RGS6: variants seen among roughly 807,000 people sequenced by gnomAD.
RGS6 encodes regulator of G protein signaling 6.
RGS6 carries 30 observed loss-of-function variants against 78.5 expected under a neutral mutation model. That is an observed-to-expected ratio of 0.38 (90% CI 0.29 to 0.52). The LOEUF is 0.52. Ranked by LOEUF, RGS6 falls within the 20% of genes least tolerant of loss-of-function variation. The probability of loss-of-function intolerance (pLI) is 0.85; values close to 1 mark genes in which losing one functional copy is unlikely to be tolerated. For synonymous variants in RGS6, 206 were observed against 206.0 expected (o/e 1.00, Z 0.00); for missense variants, 495 against 609.7 (o/e 0.81, Z 1.98).
At chr14:72,078,696 G>C (rs2094691519) in intron 2 of RGS6, among the ~76,000 whole-genome samples, 1 of 152,144 alleles carries the variant, frequency 6.6e-6, no homozygotes, top group South Asian at 2.1e-4. Context: ...GGGATTACAG[G>C]CGTGAGCCAC....
chr14:72,607,364 C>G, the RGS6 span, among the ~76,000 whole-genome samples: 2 of 152,224 alleles, frequency 1.3e-5, 1 homozygote, highest in African/African-American at 4.8e-5. Flanking sequence ...TCCTCATGGA[C>G]AGCCACCTTC....
At chr14:72,082,613 A>G (rs982663615) in intron 2 of RGS6, among the ~76,000 whole-genome samples, 1 of 152,150 alleles carries the variant, frequency 6.6e-6, no homozygotes, top group Non-Finnish European at 1.5e-5. Flanking sequence ...AAAGTATTGA[A>G]TCATCATGTT....
intron 2 of RGS6, among the ~76,000 whole-genome samples, chr14:71,991,218 A>G (rs566305734): frequency 6.6e-6 from 1 of 152,338 alleles, no homozygotes; most frequent in African/African-American, 2.4e-5. Context: ...CTGAGGTTCA[A>G]ACATTGGGTA....
intron 2 of RGS6, among the ~76,000 whole-genome samples, chr14:72,194,161 A>G (rs2039436886): frequency 6.6e-6 from 1 of 152,002 alleles, no homozygotes; most frequent in African/African-American, 2.4e-5. Context: ...ATCGTCATGT[A>G]TTTTGAAGGC....
At chr14:72,576,115 C>T in the RGS6 span, among the ~76,000 whole-genome samples, 1 of 152,258 alleles carries the variant, frequency 6.6e-6, no homozygotes, top group Non-Finnish European at 1.5e-5. Flanking sequence ...AAATTCGCAT[C>T]TCCTTGAATA....
the RGS6 span, among the ~76,000 whole-genome samples, chr14:71,882,571 G>T: frequency 6.6e-6 from 1 of 152,184 alleles, no homozygotes; most frequent in African/African-American, 2.4e-5. Flanking sequence ...AATGGAACAG[G>T]TCTATCCTAA....
At chr14:72,403,302 C>G (rs768487602) in intron 3 of RGS6, among the ~76,000 whole-genome samples, 2 of 152,228 alleles carry the variant, frequency 1.3e-5, no homozygotes, top group Non-Finnish European at 2.9e-5. Flanking sequence ...TTCATGGCAA[C>G]ATGGATGAGC....
chr14:72,369,608 G>A (rs2083076419), intron 3 of RGS6, among the ~76,000 whole-genome samples: 1 of 152,014 alleles, frequency 6.6e-6, no homozygotes, highest in Non-Finnish European at 1.5e-5. Context: ...CAAAAATTTA[G>A]TTTTCTTCCA....
At chr14:71,946,308 A>T (rs889457443) in intron 1 of RGS6, among the ~76,000 whole-genome samples, 1 of 152,074 alleles carries the variant, frequency 6.6e-6, no homozygotes, top group Non-Finnish European at 1.5e-5. Flanking sequence ...ATGGTTACTG[A>T]AAGAGAGTGT....
downstream of RGS6, among the ~76,000 whole-genome samples, chr14:72,570,202 T>G (rs1190127580): frequency 6.6e-6 from 1 of 152,228 alleles, no homozygotes; most frequent in African/African-American, 2.4e-5. Flanking sequence ...AGCATTTACA[T>G]TGTATTAAGT....
rs2093408900 is a variant in RGS6 at position 71,964,632 on chromosome 14, C to A, written c.-20-140C>A. On this transcript the variant is annotated intron_variant, in intron 1 of 17. Transcript: ENST00000553525. Reference sequence around the variant, plus strand: ...TGTGGATAGTAAGACTGCAATCATCCCCTAACTTTAAAAAATGTATCATGT... The same window carrying A: ...TGTGGATAGTAAGACTGCAATCATCACCTAACTTTAAAAAATGTATCATGT... 6 of 593,314 alleles carry A rather than the reference C, an allele frequency of 1.0e-5. No homozygotes were observed. In the East Asian group the frequency reaches 1.4e-4, roughly 14 times the overall value. The allele number at this position is 593,314 out of a possible 1,614,324, so 36.8% of individuals were successfully genotyped here.
chr14:72,339,314 C>T (rs2076570302), intron 2 of RGS6, among the ~76,000 whole-genome samples: 1 of 152,160 alleles, frequency 6.6e-6, no homozygotes, highest in Non-Finnish European at 1.5e-5. Context: ...GCAGAACAAG[C>T]CCTCACCAGA....
chr14:72,339,077 A>G (rs957684799), intron 2 of RGS6, among the ~76,000 whole-genome samples: 3 of 152,242 alleles, frequency 2.0e-5, no homozygotes, highest in Non-Finnish European at 4.4e-5. Context: ...ATCACTGTAA[A>G]GCATAAAGAA....
intron 2 of RGS6, among the ~76,000 whole-genome samples, chr14:72,088,929 C>T (rs905745059): frequency 7.2e-5 from 11 of 152,226 alleles, no homozygotes; most frequent in Non-Finnish European, 1.2e-4. Flanking sequence ...TCTAGGTCTT[C>T]GCAAAGCTTA....
chr14:72,396,134 T>C (rs1435733083), intron 3 of RGS6, among the ~76,000 whole-genome samples: 1 of 152,210 alleles, frequency 6.6e-6, no homozygotes, highest in Non-Finnish European at 1.5e-5. Flanking sequence ...GTTGAACTAG[T>C]TTACAGTCCC....
At chr14:72,425,054 G>C (rs2094377156) in intron 3 of RGS6, among the ~76,000 whole-genome samples, 1 of 152,208 alleles carries the variant, frequency 6.6e-6, no homozygotes, top group South Asian at 2.1e-4. Context: ...GCTAATGAAA[G>C]CACATCCCTT....
intron 2 of RGS6, among the ~76,000 whole-genome samples, chr14:72,256,738 G>A (rs2057162341): frequency 6.6e-6 from 1 of 152,208 alleles, no homozygotes; most frequent in African/African-American, 2.4e-5. Context: ...AGCTTGGGAG[G>A]TTAGAAGCAG....
At chr14:72,573,399 A>G in the RGS6 span, among the ~76,000 whole-genome samples, 51 of 152,278 alleles carry the variant, frequency 3.3e-4, no homozygotes, top group Non-Finnish European at 5.7e-4. Flanking sequence ...TCTGCGGCAA[A>G]TGTCTTAACA....
chr14:71,969,452 C>T (rs928779057), intron 2 of RGS6, among the ~76,000 whole-genome samples: 2 of 152,176 alleles, frequency 1.3e-5, no homozygotes. Flanking sequence ...GCATGGAAGA[C>T]ATCACACTCT....
Sources: gnomAD v4.1 joint callset for allele counts (sites outside exome capture counted in the v4.1 genomes callset) on GRCh38, gnomAD v4.1.1 for gene constraint, MANE v1.5 for transcripts, NCBI Gene and HGNC (gene_info 2026-07-23, HGNC 2026-07-21) for gene names.